Variants in PAPPA observed in about 807,000 individuals in gnomAD.
PAPPA encodes pappalysin 1.
PAPPA carries 60 observed loss-of-function variants against 164.0 expected under a neutral mutation model. The ratio of observed to expected loss-of-function variants is 0.37; its 90% CI spans 0.30 to 0.45. The LOEUF (loss-of-function observed/expected upper bound fraction) is 0.45, where lower values mean the gene tolerates loss of function less well. Ranked by LOEUF, PAPPA falls within the 20% of genes least tolerant of loss-of-function variation. The pLI is 1.00. For missense variants in PAPPA, 1,782 were observed against 2,087.3 expected (o/e 0.85, Z 2.85); for synonymous variants, 875 against 814.1 (o/e 1.07, Z -1.27).
At chr9:116,257,075 C>G (rs975575392) in intron 7 of PAPPA, among the ~76,000 whole-genome samples, 2 of 151,898 alleles carry the variant, frequency 1.3e-5, no homozygotes, top group African/African-American at 2.4e-5. Context: ...TAAAACTTTT[C>G]AATCAATGGA....
At chr9:116,236,751 A>T (rs541254348) in intron 7 of PAPPA, among the ~76,000 whole-genome samples, 34 of 152,126 alleles carry the variant, frequency 2.2e-4, no homozygotes, top group African/African-American at 7.9e-4. Context: ...TGCATCTTTT[A>T]CTCATTCCAT....
intron 6 of PAPPA, among the ~76,000 whole-genome samples, chr9:116,231,843 C>A (rs559007773): frequency 7.3e-6 from 1 of 137,680 alleles, no homozygotes; most frequent in East Asian, 2.3e-4. Context: ...CTCACTGCAA[C>A]CTCAGCCTCA....
intron 8 of PAPPA, 29 bp downstream of exon 8, chr9:116,266,014 G>C: frequency 6.3e-7 from 1 of 1,581,852 alleles, no homozygotes; most frequent in Non-Finnish European, 8.7e-7. Context: ...AGAAAGAAGA[G>C]GAGGGATGCT....
intron 13 of PAPPA, among the ~76,000 whole-genome samples, chr9:116,343,768 T>TATTTATTTATTTATTC (rs1846169725): frequency 6.6e-6 from 1 of 151,440 alleles, no homozygotes; most frequent in Admixed American, 6.6e-5. Flanking sequence ...TTTATTTATT[T>TATTTATTTATTTATTC]ATTTATTTAG....
chr9:116,173,310 C>T (rs1843794820), intron 1 of PAPPA, among the ~76,000 whole-genome samples: 1 of 152,122 alleles, frequency 6.6e-6, no homozygotes, highest in African/African-American at 2.4e-5. Flanking sequence ...TGAAATTGTG[C>T]TCACATTTCA....
intron 7 of PAPPA, among the ~76,000 whole-genome samples, chr9:116,242,289 G>C (rs1844745676): frequency 6.6e-6 from 1 of 152,084 alleles, no homozygotes; most frequent in Non-Finnish European, 1.5e-5. Flanking sequence ...CATAACAGCT[G>C]ATCATTGAAG....
intron 9 of PAPPA, chr9:116,286,155 C>A (rs938831991): frequency 6.6e-6 from 1 of 152,146 alleles, no homozygotes; most frequent in African/African-American, 2.4e-5. Flanking sequence ...TAAGTAGAGA[C>A]GGGCTCAAAT....
chr9:116,367,303 C>A (rs1367143315), intron 18 of PAPPA, among the ~76,000 whole-genome samples: 1 of 152,182 alleles, frequency 6.6e-6, no homozygotes, highest in Non-Finnish European at 1.5e-5. Flanking sequence ...AGGAGATTGA[C>A]CAGACCGCAG....
intron 2 of PAPPA, among the ~76,000 whole-genome samples, chr9:116,189,613 A>G (rs536946790): frequency 6.1e-4 from 93 of 152,334 alleles, no homozygotes; most frequent in African/African-American, 2.2e-3. Flanking sequence ...GGTGAACTCA[A>G]GGGTAACCTG....
At chr9:116,313,917 C>T (rs1360539835) in intron 10 of PAPPA, among the ~76,000 whole-genome samples, 1 of 152,056 alleles carries the variant, frequency 6.6e-6, no homozygotes, top group Non-Finnish European at 1.5e-5. Flanking sequence ...CTCTCTGTGC[C>T]TTAGTCCTCT....
At chr9:116,342,323 C>T (rs1159839231) in intron 13 of PAPPA, among the ~76,000 whole-genome samples, 2 of 152,200 alleles carry the variant, frequency 1.3e-5, no homozygotes, top group African/African-American at 4.8e-5. Context: ...CCACATGGTA[C>T]AATGCTGAGG....
chr9:116,277,797 C>A (rs982635112), intron 9 of PAPPA, among the ~76,000 whole-genome samples: 2 of 152,182 alleles, frequency 1.3e-5, no homozygotes, highest in Non-Finnish European at 2.9e-5. Flanking sequence ...CTACGTCAGC[C>A]TCCTGAGTAG....
At chr9:116,288,871 C>T (rs1056917456) in intron 9 of PAPPA, 5 of 151,882 alleles carry the variant, frequency 3.3e-5, no homozygotes, top group Non-Finnish European at 7.4e-5. Context: ...CATTTTAACA[C>T]TCTGGTTTCT....
chr9:116,385,750 G>A (rs978776481), intron 21 of PAPPA, among the ~76,000 whole-genome samples: 1 of 152,244 alleles, frequency 6.6e-6, no homozygotes, highest in Non-Finnish European at 1.5e-5. Flanking sequence ...GGTGCAGAAT[G>A]CAGATGGCCA....
chr9:116,244,927 TG>T (rs1360162448), intron 7 of PAPPA, among the ~76,000 whole-genome samples: 30 of 152,248 alleles, frequency 2.0e-4, no homozygotes. Context: ...CATCAATGGA[TG>T]ATGGGATAAA....
rs561501340 is a variant in PAPPA at position 116,396,780 on chromosome 9, C to T, written c.*164C>T. 68 of 590,428 alleles carry T rather than the reference C, an allele frequency of 1.2e-4. No individual in the cohort carries two copies. The East Asian group carries it at 1.5e-3, about 13-fold the overall frequency. 36.6% of individuals were successfully genotyped at this position (590,428 alleles called of 1,614,324 possible). A position where few individuals can be genotyped will look rare whatever the true frequency, so the allele number is the denominator to read the frequency against. On this transcript the variant is annotated 3_prime_UTR_variant, in exon 22 of 22. Coordinates refer to ENST00000328252, the MANE Select transcript of PAPPA (RefSeq NM_002581.5). ...TACCCAGGAAGGACTCACATTGGGG[C>T]GAATGAACCAAGTTTCGCCATGCTG... is the stretch of plus-strand genomic sequence containing the variant.
At chr9:116,348,623 A>G (rs1846242628) in intron 15 of PAPPA, among the ~76,000 whole-genome samples, 1 of 152,078 alleles carries the variant, frequency 6.6e-6, no homozygotes, top group Non-Finnish European at 1.5e-5. Flanking sequence ...AATACCCTTT[A>G]GCCATTTTTC....
At chr9:116,177,713 T>C (rs746393525) in intron 1 of PAPPA, among the ~76,000 whole-genome samples, 11 of 152,230 alleles carry the variant, frequency 7.2e-5, no homozygotes, top group African/African-American at 1.7e-4. Flanking sequence ...GATTCTCAAG[T>C]CATTAAAATG....
At position 116,207,532 on chromosome 9, in the gene PAPPA, A is replaced by C; in HGVS notation, c.1555A>C (p.Lys519Gln). Residue 519 changes from lysine to glutamine, a missense_variant, in exon 3 of 22, where the codon AAA becomes CAA. By Grantham distance (53) the Lys-to-Gln change is moderately conservative. This residue lies in a region of PAPPA where 1,324 missense variants were observed against 1,656.9 expected (regional missense o/e 0.80). Transcript: ENST00000328252. ...GSTHLNIFFA[K>Q]SSEEELAGVA... ...AACACATCTCAATATTTTCTTTGCA[A>C]AATCCTCAGAGGAGGAGTTGGCAGG... 4 of 1,613,634 alleles carry C rather than the reference A, an allele frequency of 2.5e-6. No individual in the cohort carries two copies. Among genetic ancestry groups the C allele is most frequent in the Non-Finnish European group, 3.4e-6 (4 of 1,179,706 alleles).
Sources: allele counts gnomAD v4.1 joint callset (sites outside exome capture counted in the v4.1 genomes callset), GRCh38; gene constraint gnomAD v4.1.1; regional missense constraint gnomAD v4.1.1; transcripts MANE v1.5; gene names NCBI Gene and HGNC (gene_info 2026-07-23, HGNC 2026-07-21).